Variants in NEK11 observed in about 807,000 individuals in gnomAD.
NEK11 encodes serine/threonine-protein kinase Nek11.
A neutral mutation model predicts 80.7 loss-of-function variants in NEK11; 72 were observed. That is an observed-to-expected ratio of 0.89 (90% CI 0.74 to 1.08). The LOEUF is 1.08. Among genes scored for constraint, NEK11 ranks in the 50% least tolerant of loss-of-function variants. The pLI, the probability that NEK11 is intolerant of heterozygous loss-of-function variation, is 0.00. For missense variants in NEK11, 764 were observed against 763.6 expected, an observed-to-expected ratio of 1.00 and a Z score of -0.01; for synonymous variants, 251 against 260.7, an observed-to-expected ratio of 0.96 and a Z score of 0.36.
chr3:131,120,691 T>G (rs549815317), intron 5 of NEK11, among the ~76,000 whole-genome samples: 1 of 152,322 alleles, frequency 6.6e-6, no homozygotes, highest in African/African-American at 2.4e-5. Flanking sequence ...TTACTCTTTT[T>G]TCTCTAAACT....
intron 17 of NEK11, among the ~76,000 whole-genome samples, chr3:131,348,298 A>G (rs1423765093): frequency 6.6e-6 from 1 of 152,160 alleles, no homozygotes; most frequent in Admixed American, 6.5e-5. Flanking sequence ...TGAAGGGAAA[A>G]TGGAGTAAAT....
chr3:131,117,815 A>G (rs2081548201), intron 5 of NEK11, among the ~76,000 whole-genome samples: 1 of 152,182 alleles, frequency 6.6e-6, no homozygotes, highest in African/African-American at 2.4e-5. Context: ...ATTTTTGCAC[A>G]TTGATTTTGT....
intron 16 of NEK11, among the ~76,000 whole-genome samples, chr3:131,247,210 G>A (rs557854013): frequency 1.3e-5 from 2 of 152,070 alleles, no homozygotes; most frequent in African/African-American, 2.4e-5. Context: ...GTGTCTACAC[G>A]GGTTTTTTCT....
At chr3:131,289,208 G>A (rs2096516624) in intron 17 of NEK11, among the ~76,000 whole-genome samples, 1 of 152,076 alleles carries the variant, frequency 6.6e-6, no homozygotes. Flanking sequence ...CCTTTTTTCT[G>A]TGTGGACCCA....
chr3:131,273,387 A>G (rs1391210797), intron 16 of NEK11, 91 bp from the exon 17 acceptor site: 18 of 880,900 alleles, frequency 2.0e-5, no homozygotes, highest in Non-Finnish European at 1.9e-5. Flanking sequence ...GCAAAGGTGG[A>G]TTAGCTTCTG....
At chr3:131,048,289 C>T (rs1478180488) in intron 3 of NEK11, among the ~76,000 whole-genome samples, 2 of 152,138 alleles carry the variant, frequency 1.3e-5, no homozygotes, top group Non-Finnish European at 2.9e-5. Flanking sequence ...TCCCTATTCG[C>T]CCCCTCCCCC....
chr3:131,057,165 G>A (rs1216629738), intron 3 of NEK11, among the ~76,000 whole-genome samples: 2 of 151,048 alleles, frequency 1.3e-5, no homozygotes, highest in African/African-American at 4.9e-5. Flanking sequence ...GAGATAGTTT[G>A]CTGAGAATGA....
chr3:131,245,357 A>G (rs1014222938), intron 16 of NEK11, among the ~76,000 whole-genome samples: 1 of 150,320 alleles, frequency 6.7e-6, no homozygotes, highest in Admixed American at 6.6e-5. Flanking sequence ...TTTGACGGAC[A>G]CTTAGGTTGG....
chr3:131,254,511 A>G (rs2095767709), intron 16 of NEK11, among the ~76,000 whole-genome samples: 2 of 152,184 alleles, frequency 1.3e-5, no homozygotes, highest in South Asian at 2.1e-4. Context: ...CCAAAGTTCT[A>G]TGGAAGAATT....
At chr3:131,101,370 A>T (rs985997719) in intron 4 of NEK11, among the ~76,000 whole-genome samples, 5 of 152,022 alleles carry the variant, frequency 3.3e-5, no homozygotes, top group African/African-American at 1.2e-4. Flanking sequence ...GGTATTTAGT[A>T]CTATAAACTT....
chr3:131,182,192 G>A (rs1022575827), intron 14 of NEK11, among the ~76,000 whole-genome samples: 7 of 150,610 alleles, frequency 4.6e-5, no homozygotes, highest in African/African-American at 1.5e-4. Flanking sequence ...AACTATGGCA[G>A]CAAAACCTAA....
At chr3:131,232,986 A>T (rs1012451619) in intron 15 of NEK11, among the ~76,000 whole-genome samples, 4 of 56,962 alleles carry the variant, frequency 7.0e-5, no homozygotes, top group Non-Finnish European at 1.4e-4. Context: ...GAGGGGAAGG[A>T]AGGAAGGAAG....
chr3:131,064,239 A>G (rs1370502176), intron 3 of NEK11, among the ~76,000 whole-genome samples: 1 of 152,222 alleles, frequency 6.6e-6, no homozygotes, highest in Non-Finnish European at 1.5e-5. Flanking sequence ...CAGGGCTGCC[A>G]TAATGAAATG....
At chr3:131,108,226 G>A (rs931366938) in intron 4 of NEK11, among the ~76,000 whole-genome samples, 1 of 152,130 alleles carries the variant, frequency 6.6e-6, no homozygotes, top group East Asian at 1.9e-4. Flanking sequence ...AAGTGCATTA[G>A]AAGTGAATCA....
chr3:131,332,544 C>G (rs561778364), intron 17 of NEK11, among the ~76,000 whole-genome samples: 65 of 152,304 alleles, frequency 4.3e-4, no homozygotes, highest in African/African-American at 1.5e-3. Flanking sequence ...ACTGGAAACT[C>G]TAAAAAACAG....
Position 131,298,381 on chromosome 3 carries a change from G to A in NEK11, c.1718+24807G>A, listed in dbSNP as rs547861209. Among the ~76,000 whole-genome samples, 28 of 151,596 alleles carry A rather than the reference G, an allele frequency of 1.8e-4. No individual in the cohort carries two copies. The South Asian group carries it at 2.7e-3, about 15-fold the overall frequency. On this transcript the variant is annotated intron_variant, in intron 17 of 17. Coordinates refer to ENST00000383366, the MANE Select transcript of NEK11 (RefSeq NM_024800.5). ...AGTTCTCCTTGAAGAGGTCCTTCAC[G>A]TCCCTTGTAAGTTGGATTCCTAGGT...
chr3:131,229,933 T>G (rs1211758391), intron 15 of NEK11, among the ~76,000 whole-genome samples: 1 of 152,046 alleles, frequency 6.6e-6, no homozygotes, highest in East Asian at 1.9e-4. Flanking sequence ...GTTTCCCCAT[T>G]TTTTTCCAAC....
At chr3:131,219,410 G>A (rs2094945833) in intron 14 of NEK11, among the ~76,000 whole-genome samples, 2 of 152,068 alleles carry the variant, frequency 1.3e-5, no homozygotes, top group Admixed American at 1.3e-4. Context: ...GGGGACTAGG[G>A]GAGGGACAGC....
chr3:131,099,595 A>G (rs1487219225), intron 4 of NEK11, among the ~76,000 whole-genome samples: 3 of 152,228 alleles, frequency 2.0e-5, no homozygotes, highest in Admixed American at 1.3e-4. Flanking sequence ...CTTCCAATCC[A>G]TAAGTATGGA....
Sources: allele counts gnomAD v4.1 joint callset (sites outside exome capture counted in the v4.1 genomes callset), GRCh38; gene constraint gnomAD v4.1.1; transcripts MANE v1.5; gene names NCBI Gene and HGNC (gene_info 2026-07-23, HGNC 2026-07-21).